Variants in SLC2A9 observed in about 807,000 individuals in gnomAD.
SLC2A9 encodes solute carrier family 2 member 9.
A neutral mutation model predicts 50.6 loss-of-function variants in SLC2A9; 39 were observed. The observed-to-expected ratio is 0.77, with a 90% CI of 0.60 to 1.01. The LOEUF (loss-of-function observed/expected upper bound fraction) is 1.01. Ranked by LOEUF, SLC2A9 falls within the 50% of genes least tolerant of loss-of-function variation. The pLI is 0.00. For synonymous variants in SLC2A9, 324 were observed against 276.9 expected, an observed-to-expected ratio of 1.17 and a Z score of -1.69; for missense variants, 686 against 677.6, an observed-to-expected ratio of 1.01 and a Z score of -0.14.
At chr4:9,942,069 G>C in intron 5 of SLC2A9, 24 bp from the exon 6 acceptor site, 1 of 1,613,758 alleles carries the variant, frequency 6.2e-7, no homozygotes, top group Non-Finnish European at 8.5e-7. Context: ...AGATGCTGCT[G>C]AGTGCAGTGG....
Position 9,811,600 on chromosome 4 carries a change from C to T in SLC2A9, n.421-12359G>A, listed in dbSNP as rs557721847. Among the ~76,000 whole-genome samples, 7 of 152,320 alleles carry T rather than the reference C, an allele frequency of 4.6e-5. No homozygotes were observed. The South Asian group carries it at 1.5e-3, about 32-fold the overall frequency. On this transcript the variant is annotated intron_variant and non_coding_transcript_variant, in intron 3 of 3. Coordinates refer to the SLC2A9 transcript ENST00000503280. ...GCCATTTCAGACCAATCACCTCCAGCTGACACCACCTGGCCACAAATGACT... is the reference window on the plus strand; with the variant it reads ...GCCATTTCAGACCAATCACCTCCAGTTGACACCACCTGGCCACAAATGACT...
At chr4:10,017,215 T>C (rs35099040) in intron 2 of SLC2A9, among the ~76,000 whole-genome samples, 69,581 of 152,132 alleles carry the variant, frequency 0.46, 17,047 homozygotes, top group South Asian at 0.59. Flanking sequence ...CATGTTCCCA[T>C]AGTCAGTGCT....
intron 10 of SLC2A9, among the ~76,000 whole-genome samples, chr4:9,878,151 T>C (rs1734594654): frequency 6.6e-6 from 1 of 152,068 alleles, no homozygotes; most frequent in Admixed American, 6.5e-5. Context: ...CACACATATA[T>C]ATATATATAA....
chr4:9,776,925 T>C (rs1027503058), downstream of SLC2A9, among the ~76,000 whole-genome samples: 1 of 152,166 alleles, frequency 6.6e-6, no homozygotes, highest in African/African-American at 2.4e-5. Context: ...GCTACAGATA[T>C]CCTGACCCTT....
Position 10,029,833 on chromosome 4 carries a change from G to T in SLC2A9, c.-40-3827C>A, listed in dbSNP as rs190838812. On this transcript the variant is annotated intron_variant, in intron 1 of 12. Transcript: ENST00000309065. ...TTTTTTTTAGTAGAGATGGGGTTTC[G>T]CCATGTTGGCCAGGATGGTCTGGAA... Among the ~76,000 whole-genome samples, 717 of 151,660 alleles carry T rather than the reference G, an allele frequency of 4.7e-3. 6 individuals carry two copies. Among genetic ancestry groups the T allele is most frequent in the African/African-American group, 0.016 (671 of 41,368 alleles).
chr4:9,959,122 G>T (rs1241801987), intron 5 of SLC2A9, among the ~76,000 whole-genome samples: 1 of 151,968 alleles, frequency 6.6e-6, no homozygotes. Context: ...AAGGCAGGTG[G>T]ATCACTTGAG....
intron 5 of SLC2A9, among the ~76,000 whole-genome samples, chr4:9,964,361 C>T (rs886338166): frequency 6.6e-6 from 1 of 152,148 alleles, no homozygotes; most frequent in Non-Finnish European, 1.5e-5. Flanking sequence ...AGGCATTAAC[C>T]TGTGAGGGAC....
At chr4:9,831,930 A>G (rs1202759739) in intron 11 of SLC2A9, among the ~76,000 whole-genome samples, 1 of 152,210 alleles carries the variant, frequency 6.6e-6, no homozygotes, top group Non-Finnish European at 1.5e-5. Context: ...TGGGGATAAC[A>G]ATTGGTGTAG....
At chr4:9,868,487 C>A (rs1342432189) in intron 10 of SLC2A9, among the ~76,000 whole-genome samples, 1 of 152,246 alleles carries the variant, frequency 6.6e-6, no homozygotes, top group Non-Finnish European at 1.5e-5. Flanking sequence ...GTTTACTACC[C>A]TGAAGGGGAA....
intron 5 of SLC2A9, among the ~76,000 whole-genome samples, chr4:9,969,489 C>T (rs1222494771): frequency 6.6e-6 from 1 of 152,128 alleles, no homozygotes; most frequent in Non-Finnish European, 1.5e-5. Context: ...ATACAAGTTT[C>T]AAAAAACTTT....
At chr4:9,896,477 A>C (rs1299172387) in intron 8 of SLC2A9, among the ~76,000 whole-genome samples, 1 of 152,112 alleles carries the variant, frequency 6.6e-6, no homozygotes, top group African/African-American at 2.4e-5. Context: ...GAGTTTTAAG[A>C]GTTCTTTATG....
At chr4:9,779,109 C>A (rs1484434974), downstream of SLC2A9, among the ~76,000 whole-genome samples, 1 of 152,116 alleles carries the variant, frequency 6.6e-6, no homozygotes, top group African/African-American at 2.4e-5. Flanking sequence ...ACTCACTTCC[C>A]AGATGAGAGA....
At chr4:9,954,587 T>C (rs1405474163) in intron 5 of SLC2A9, among the ~76,000 whole-genome samples, 2 of 152,212 alleles carry the variant, frequency 1.3e-5, no homozygotes, top group Non-Finnish European at 2.9e-5. Context: ...CCTCTGGATC[T>C]GGGTGTGGTA....
intron 10 of SLC2A9, among the ~76,000 whole-genome samples, chr4:9,838,043 A>G (rs1304249843): frequency 6.6e-6 from 1 of 152,230 alleles, no homozygotes; most frequent in East Asian, 1.9e-4. Flanking sequence ...ACTAAATGCA[A>G]ACACTTAATA....
At chr4:9,819,475 G>A (rs1227154838) in intron 3 of SLC2A9, among the ~76,000 whole-genome samples, 1 of 152,140 alleles carries the variant, frequency 6.6e-6, no homozygotes, top group East Asian at 1.9e-4. Flanking sequence ...TGTATACCTT[G>A]TGCCTGTTCA....
intron 3 of SLC2A9, among the ~76,000 whole-genome samples, chr4:9,780,436 G>T (rs578256357): frequency 9.9e-5 from 15 of 152,274 alleles, no homozygotes; most frequent in African/African-American, 3.4e-4. Context: ...AAAGCACTGA[G>T]GGGGAAGGAG....
At chr4:9,864,048 C>G (rs1331444603) in intron 10 of SLC2A9, among the ~76,000 whole-genome samples, 1 of 152,054 alleles carries the variant, frequency 6.6e-6, no homozygotes, top group African/African-American at 2.4e-5. Context: ...CAGAGATCTA[C>G]CTGTCTTGTG....
intron 2 of SLC2A9, among the ~76,000 whole-genome samples, chr4:10,003,142 T>C (rs568060770): frequency 6.6e-6 from 1 of 152,242 alleles, no homozygotes; most frequent in East Asian, 1.9e-4. Context: ...TGCCACCTGA[T>C]AAACAGGAGA....
chr4:9,857,918 C>T (rs1730982856), intron 10 of SLC2A9, among the ~76,000 whole-genome samples: 2 of 152,040 alleles, frequency 1.3e-5, no homozygotes, highest in African/African-American at 4.8e-5. Flanking sequence ...CTTTACTGAA[C>T]TCCTATTGGT....
Sources: allele counts gnomAD v4.1 joint callset (sites outside exome capture counted in the v4.1 genomes callset), GRCh38; gene constraint gnomAD v4.1.1; transcripts MANE v1.5; gene names NCBI Gene and HGNC (gene_info 2026-07-23, HGNC 2026-07-21).